Variants in MEF2C observed in about 807,000 individuals in gnomAD.
MEF2C encodes myocyte-specific enhancer factor 2C.
MEF2C carries 6 observed loss-of-function variants against 50.5 expected under a neutral mutation model. That is an observed-to-expected ratio of 0.12 (90% CI 0.07 to 0.23). The LOEUF is 0.23. Among genes scored for constraint, MEF2C ranks in the 10% least tolerant of loss-of-function variants. The pLI, the probability that MEF2C is intolerant of heterozygous loss-of-function variation, is 1.00. For missense variants in MEF2C, 276 were observed against 605.0 expected (o/e 0.46, Z 5.70); for synonymous variants, 183 against 228.0 (o/e 0.80, Z 1.78).
chr5:88,762,506 G>A (rs1311143206), intron 3 of MEF2C, among the ~76,000 whole-genome samples: 2 of 152,096 alleles, frequency 1.3e-5, no homozygotes, highest in Non-Finnish European at 2.9e-5. Flanking sequence ...TGCCTCATGT[G>A]ATCTGCCTGC....
At chr5:88,808,732 A>G (rs952980438) in intron 2 of MEF2C, among the ~76,000 whole-genome samples, 6 of 152,144 alleles carry the variant, frequency 3.9e-5, no homozygotes, top group African/African-American at 1.4e-4. Flanking sequence ...TAGTTAGATA[A>G]AATTATTTTT....
intron 3 of MEF2C, among the ~76,000 whole-genome samples, chr5:88,793,152 C>T (rs907773244): frequency 6.6e-6 from 1 of 152,118 alleles, no homozygotes; most frequent in Admixed American, 6.6e-5. Flanking sequence ...ACAGGGGAAG[C>T]ACCTAACCTA....
chr5:88,787,423 AG>A (rs1157040160), intron 3 of MEF2C, among the ~76,000 whole-genome samples: 1 of 152,184 alleles, frequency 6.6e-6, no homozygotes, highest in African/African-American at 2.4e-5. Context: ...CCCCGTAAGG[AG>A]CTCAGGGTAG....
chr5:88,729,087 G>T, intron 9 of MEF2C, 131 bp downstream of exon 9: 1 of 930,004 alleles, frequency 1.1e-6, no homozygotes, highest in Non-Finnish European at 1.6e-6. Context: ...TGAAGAATGG[G>T]TAATGCTGCA....
At chr5:88,742,190 G>A (rs1767146694) in intron 6 of MEF2C, 1 of 985,206 alleles carries the variant, frequency 1.0e-6, no homozygotes. Flanking sequence ...CCCCCCTTCA[G>A]CATCTGCTCT....
At chr5:88,747,269 A>G (rs1770155722) in intron 6 of MEF2C, among the ~76,000 whole-genome samples, 1 of 151,702 alleles carries the variant, frequency 6.6e-6, no homozygotes, top group African/African-American at 2.4e-5. Context: ...TTAAGCAGTA[A>G]CAAGCCACTT....
chr5:88,883,383 C>A (rs1833575114), upstream of MEF2C: 3 of 152,512 alleles, frequency 2.0e-5, no homozygotes, highest in South Asian at 6.0e-4. Flanking sequence ...AGCGGCCGGT[C>A]GGATTAAAAG....
At chr5:88,753,086 G>GT (rs1488289323) in intron 4 of MEF2C, among the ~76,000 whole-genome samples, 6 of 151,682 alleles carry the variant, frequency 4.0e-5, no homozygotes, top group East Asian at 3.9e-4. Flanking sequence ...TCAGTTGGTT[G>GT]TTTTTTTTGG....
intron 6 of MEF2C, chr5:88,736,928 C>G (rs1764371803): frequency 4.1e-6 from 4 of 985,294 alleles, no homozygotes; most frequent in Non-Finnish European, 4.8e-6. Context: ...TAAGGATCAA[C>G]TAAAGTTCCA....
Position 88,869,316 on chromosome 5 carries a change from C to CGTATATATATATAT in MEF2C, c.-143+13638_-143+13639insATATATATATATAC, listed in dbSNP as rs1561421815. Among the ~76,000 whole-genome samples the CGTATATATATATAT allele has an allele frequency of 1.8e-3, 157 of 85,414 alleles. 3 individuals carry two copies. The highest frequency in any genetic ancestry group is 6.6e-3 in the Admixed American group (44 of 6,682). The allele number at this position is 85,414 out of a possible 152,430, so 56.0% of individuals were successfully genotyped here. ...ATATACACATATATATATATATATA[C>CGTATATATATATAT]ACATATAGCTTCATTTGTACAAATT... On this transcript the variant is annotated intron_variant, in intron 1 of 10. Transcript: ENST00000504921.
intron 1 of MEF2C, among the ~76,000 whole-genome samples, chr5:88,871,032 G>C (rs1829348003): frequency 6.6e-6 from 1 of 152,010 alleles, no homozygotes; most frequent in African/African-American, 2.4e-5. Context: ...TGGCTCAATA[G>C]CGGTAGAGAG....
intron 3 of MEF2C, among the ~76,000 whole-genome samples, chr5:88,790,601 G>A (rs889255233): frequency 2.0e-5 from 3 of 152,096 alleles, no homozygotes; most frequent in African/African-American, 7.2e-5. Flanking sequence ...ACTTTTACTT[G>A]GTTTCCTGTG....
chr5:88,767,858 A>T (rs547284470), intron 3 of MEF2C, among the ~76,000 whole-genome samples: 1 of 152,222 alleles, frequency 6.6e-6, no homozygotes, highest in Non-Finnish European at 1.5e-5. Context: ...TATTTGACAT[A>T]AACATTCAAA....
chr5:88,772,778 A>G, intron 3 of MEF2C: 1 of 985,424 alleles, frequency 1.0e-6, no homozygotes, highest in Admixed American at 6.1e-5. Context: ...TTCACTCTTG[A>G]AAATTTTCAC....
intron 1 of MEF2C, among the ~76,000 whole-genome samples, chr5:88,898,076 T>G (rs945817274): frequency 6.6e-6 from 1 of 152,180 alleles, no homozygotes; most frequent in Non-Finnish European, 1.5e-5. Flanking sequence ...GTCCCTCTAA[T>G]GCCATAATTT....
chr5:88,729,055 G>A (rs531062480), intron 9 of MEF2C, among the ~76,000 whole-genome samples, 163 bp downstream of exon 9: 31 of 152,314 alleles, frequency 2.0e-4, no homozygotes, highest in South Asian at 8.3e-4. Flanking sequence ...AAAGAAAAAT[G>A]TGGATATTCA....
chr5:88,744,100 A>T, intron 6 of MEF2C: 1 of 984,998 alleles, frequency 1.0e-6, no homozygotes, highest in Non-Finnish European at 1.2e-6. Flanking sequence ...AATAAAAGGC[A>T]ATCGTATTAT....
chr5:88,795,908 T>C (rs544811845), intron 3 of MEF2C, among the ~76,000 whole-genome samples: 2 of 152,334 alleles, frequency 1.3e-5, no homozygotes, highest in South Asian at 4.1e-4. Context: ...GGTGTGGTTT[T>C]TGTCATTGTT....
chr5:88,791,421 C>G (rs1342430373), intron 3 of MEF2C, among the ~76,000 whole-genome samples: 1 of 151,718 alleles, frequency 6.6e-6, no homozygotes, highest in African/African-American at 2.4e-5. Flanking sequence ...TATTTTGAAC[C>G]CTGTCTTTTC....
Sources: gnomAD v4.1 joint callset for allele counts (sites outside exome capture counted in the v4.1 genomes callset) on GRCh38, gnomAD v4.1.1 for gene constraint, MANE v1.5 for transcripts, NCBI Gene and HGNC (gene_info 2026-07-23, HGNC 2026-07-21) for gene names.